Variants in ADCY1 observed in about 807,000 individuals in gnomAD.
ADCY1 encodes the protein adenylate cyclase type 1.
In ADCY1, 28 loss-of-function variants were observed where a neutral mutation model predicts 105.4. The observed-to-expected ratio is 0.27, with a 90% CI of 0.20 to 0.36. ADCY1 has a LOEUF of 0.36. Ranked by LOEUF, ADCY1 falls within the 10% of genes least tolerant of loss-of-function variation. The probability of loss-of-function intolerance (pLI) is 1.00; values close to 1 mark genes in which losing one functional copy is unlikely to be tolerated. For synonymous variants in ADCY1, 655 were observed against 623.8 expected (o/e 1.05, Z -0.75); for missense variants, 977 against 1,434.2 (o/e 0.68, Z 5.15).
At chr7:45,711,632 T>TATATAC (rs1785234548) in intron 19 of ADCY1, among the ~76,000 whole-genome samples, 1 of 25,046 alleles carries the variant, frequency 4.0e-5, no homozygotes, top group Non-Finnish European at 1.0e-4. Context: ...TATATATATA[T>TATATAC]ATATATATAT....
chr7:45,601,250 C>G (rs534773071), intron 2 of ADCY1, among the ~76,000 whole-genome samples: 4 of 152,214 alleles, frequency 2.6e-5, no homozygotes, highest in South Asian at 2.1e-4. Flanking sequence ...CTCCCTTCCC[C>G]CCCTGCTCTT....
chr7:45,609,942 C>T (rs756467112), intron 2 of ADCY1, among the ~76,000 whole-genome samples: 3 of 152,270 alleles, frequency 2.0e-5, no homozygotes, highest in Non-Finnish European at 4.4e-5. Context: ...TCCCGTAGCC[C>T]GCCTATCTGT....
intron 2 of ADCY1, among the ~76,000 whole-genome samples, chr7:45,599,667 C>A (rs75326568): frequency 6.6e-6 from 1 of 151,106 alleles, no homozygotes; most frequent in African/African-American, 2.4e-5. Context: ...CATTCTGTCA[C>A]CCCAGCTTGA....
Position 45,704,461 on chromosome 7 carries a change from G to A in ADCY1, c.2719-57G>A, listed in dbSNP as rs113352905. ...CTGTTGCTCCTGGGGGCTGACGGCTGCAGCGACTTTTCTCAAATGTTATGT... is the reference window on the plus strand; with the variant it reads ...CTGTTGCTCCTGGGGGCTGACGGCTACAGCGACTTTTCTCAAATGTTATGT... On this transcript the variant is annotated intron_variant, in intron 16 of 19. Transcript: ENST00000297323. 4 of 1,512,784 alleles carry A rather than the reference G, an allele frequency of 2.6e-6. No homozygotes were observed. The East Asian group carries it at 6.8e-5, about 26-fold the overall frequency. The allele number at this position is 1,512,784 out of a possible 1,614,324, so 93.7% of individuals were successfully genotyped here.
chr7:45,650,834 A>C (rs1370733038), intron 5 of ADCY1, among the ~76,000 whole-genome samples: 3 of 152,144 alleles, frequency 2.0e-5, no homozygotes, highest in Non-Finnish European at 2.9e-5. Flanking sequence ...ACCGCTGCCC[A>C]GGAAGCCCTG....
intron 4 of ADCY1, among the ~76,000 whole-genome samples, chr7:45,626,758 G>A (rs1794071070): frequency 6.6e-6 from 1 of 152,240 alleles, no homozygotes; most frequent in Admixed American, 6.5e-5. Flanking sequence ...ATTTGGGCAT[G>A]AAGCCCTTGA....
At position 45,648,553 on chromosome 7, in the gene ADCY1, G is replaced by A. The variant is rs753777637; in HGVS notation, c.1021-117G>A. On this transcript the variant is annotated intron_variant, in intron 4 of 19. Coordinates refer to ENST00000297323, the MANE Select transcript of ADCY1 (RefSeq NM_021116.4). Reference sequence around the variant, plus strand: ...TGGGCGGGAAGGTGGTGGCCCAGGTGCAGCATGTCTTGCCAGCGCTCTGTG... The same window carrying A: ...TGGGCGGGAAGGTGGTGGCCCAGGTACAGCATGTCTTGCCAGCGCTCTGTG... 4.3e-5 allele frequency: 60 copies of A among 1,403,740 alleles called. No homozygotes were observed. The African/African-American group carries it at 8.1e-4, about 19-fold the overall frequency. 87.0% of individuals were successfully genotyped at this position (1,403,740 alleles called of 1,614,324 possible).
At chr7:45,639,065 C>T (rs976931599) in intron 4 of ADCY1, among the ~76,000 whole-genome samples, 9 of 152,136 alleles carry the variant, frequency 5.9e-5, no homozygotes, top group Non-Finnish European at 5.9e-5. Context: ...GCCCCTGTGA[C>T]GTGCAGGCTT....
intron 4 of ADCY1, among the ~76,000 whole-genome samples, chr7:45,628,858 T>C (rs947780488): frequency 1.3e-5 from 2 of 152,138 alleles, no homozygotes; most frequent in Non-Finnish European, 2.9e-5. Flanking sequence ...CTGCAGCAGC[T>C]CCTCATGGGG....
chr7:45,702,678 G>C (rs912598312), intron 14 of ADCY1, among the ~76,000 whole-genome samples: 7 of 152,220 alleles, frequency 4.6e-5, no homozygotes. Flanking sequence ...TTTGCTGTCA[G>C]CTTAATCAGT....
chr7:45,713,884 G>A lies in ADCY1; in HGVS notation c.3249G>A (p.Gln1083=). The part of the protein sequence containing the change: ...KMCPFGRAGL[Q]GRRPPVCPMP... ...GTCCATTTGGGAGAGCTGGCCTTCAGGGCAGACGTCCCCCCGTGTGCCCCA... is the reference window on the plus strand; with the variant it reads ...GTCCATTTGGGAGAGCTGGCCTTCAAGGCAGACGTCCCCCCGTGTGCCCCA... Residue 1083 remains glutamine, a synonymous_variant, in exon 20 of 20, where the codon CAG becomes CAA. Transcript: ENST00000297323. 1.3e-6 allele frequency: 1 copy of A among 780,734 alleles called. No homozygotes were observed. The highest frequency in any genetic ancestry group is 2.4e-6 in the Non-Finnish European group (1 of 418,144). The allele number at this position is 780,734 out of a possible 1,614,324, so 48.4% of individuals were successfully genotyped here.
intron 6 of ADCY1, among the ~76,000 whole-genome samples, chr7:45,659,026 G>T: frequency 6.6e-6 from 1 of 152,200 alleles, no homozygotes; most frequent in Non-Finnish European, 1.5e-5. Flanking sequence ...ACAAGCTGAG[G>T]CTGGAGTCAG....
rs914360181 is a variant in ADCY1 at position 45,676,741 on chromosome 7, G to T, written c.1606-1128G>T. Among the ~76,000 whole-genome samples the T allele has an allele frequency of 5.3e-5, 8 of 152,098 alleles. No homozygotes were observed. In the South Asian group the frequency reaches 6.2e-4, roughly 12 times the overall value. On this transcript the variant is annotated intron_variant, in intron 8 of 19. Transcript: ENST00000297323. The stretch of plus-strand genomic sequence containing the variant: ...TTCAGGTTTTTCTGACACTATGTCA[G>T]TGGGGCCTTGGGTGTGCCTCCTCAC...
At chr7:45,639,970 G>A (rs1260595633) in intron 4 of ADCY1, among the ~76,000 whole-genome samples, 2 of 152,212 alleles carry the variant, frequency 1.3e-5, no homozygotes, top group Non-Finnish European at 2.9e-5. Context: ...CCAACACAGA[G>A]GAGTAGTTGA....
intron 4 of ADCY1, among the ~76,000 whole-genome samples, chr7:45,631,005 G>A (rs1248988432): frequency 6.6e-6 from 1 of 152,062 alleles, no homozygotes; most frequent in East Asian, 1.9e-4. Flanking sequence ...GACTATTTTG[G>A]TTGGTTAGTG....
chr7:45,589,786 C>T (rs1023812795), intron 1 of ADCY1, among the ~76,000 whole-genome samples: 5 of 150,282 alleles, frequency 3.3e-5, no homozygotes, highest in South Asian at 2.1e-4. Flanking sequence ...CACCCTCCAC[C>T]GTGGGTTTTT....
At chr7:45,669,393 T>A (rs886393723) in intron 8 of ADCY1, among the ~76,000 whole-genome samples, 1 of 152,236 alleles carries the variant, frequency 6.6e-6, no homozygotes, top group Admixed American at 6.5e-5. Context: ...ATGTACCCAG[T>A]AGTCATTCAG....
At chr7:45,649,513 C>T (rs1001999525) in intron 5 of ADCY1, among the ~76,000 whole-genome samples, 13 of 152,102 alleles carry the variant, frequency 8.5e-5, no homozygotes, top group East Asian at 1.9e-4. Context: ...ATACCTGGAG[C>T]GGAAAAGTAG....
intron 2 of ADCY1, among the ~76,000 whole-genome samples, chr7:45,600,947 A>G (rs1285170004): frequency 1.3e-5 from 2 of 152,132 alleles, no homozygotes; most frequent in Non-Finnish European, 2.9e-5. Context: ...AAATATAGTC[A>G]CCACATTGGG....
Sources: allele counts gnomAD v4.1 joint callset (sites outside exome capture counted in the v4.1 genomes callset), GRCh38; gene constraint gnomAD v4.1.1; transcripts MANE v1.5; gene names NCBI Gene and HGNC (gene_info 2026-07-23, HGNC 2026-07-21).